GRID2: variants seen among roughly 807,000 people sequenced by gnomAD.
GRID2 encodes glutamate ionotropic receptor delta type subunit 2.
GRID2 carries 33 observed loss-of-function variants against 114.8 expected under a neutral mutation model. The observed-to-expected ratio is 0.29, with a 90% CI of 0.22 to 0.38. The LOEUF (loss-of-function observed/expected upper bound fraction) is 0.38, where lower values mean the gene tolerates loss of function less well. Ranked by LOEUF, GRID2 falls within the 10% of genes least tolerant of loss-of-function variation. The pLI is 1.00. For synonymous variants in GRID2, 505 were observed against 449.9 expected (o/e 1.12, Z -1.55); for missense variants, 1,184 against 1,257.7 (o/e 0.94, Z 0.89).
intron 9 of GRID2, among the ~76,000 whole-genome samples, chr4:93,410,987 A>G (rs1162969989): frequency 6.6e-6 from 1 of 152,244 alleles, no homozygotes; most frequent in African/African-American, 2.4e-5. Context: ...CTAGAAAGTT[A>G]TAAACAAATT....
Position 93,085,177 on chromosome 4 carries a change from A to G in GRID2, c.427A>G (p.Thr143Ala). 6.2e-7 allele frequency: 1 copy of G among 1,613,316 alleles called. No individual in the cohort carries two copies. The highest frequency in any genetic ancestry group is 2.2e-5 in the East Asian group (1 of 44,828). The change falls in exon 3 of 16, where the codon ACT becomes GCT. Residue 143 changes from threonine to alanine, a missense_variant. Transcript: ENST00000282020. ...CCGGAGCAACAGGAATGATGACTAC[A>G]CTCTCTCAGTTCGCCCACCTGTCTA... ...LTRSNRNDDY[T>A]LSVRPPVYLH...
chr4:92,982,046 GAA>G (rs1027039954), intron 2 of GRID2, among the ~76,000 whole-genome samples: 2 of 79,612 alleles, frequency 2.5e-5, no homozygotes, highest in Non-Finnish European at 5.3e-5. Context: ...AAAAAAAAAA[GAA>G]AAAGAAAAAA....
At chr4:92,611,130 G>T (rs1729721897) in intron 2 of GRID2, among the ~76,000 whole-genome samples, 1 of 136,160 alleles carries the variant, frequency 7.3e-6, no homozygotes, top group African/African-American at 2.9e-5. Flanking sequence ...GTGTGTGTGT[G>T]CATGTGTGTG....
At chr4:92,714,963 A>G (rs1029043733) in intron 2 of GRID2, among the ~76,000 whole-genome samples, 1 of 152,194 alleles carries the variant, frequency 6.6e-6, no homozygotes, top group South Asian at 2.1e-4. Flanking sequence ...ACTTATGCAC[A>G]CTTCTGCAGC....
chr4:93,419,582 T>A (rs1361822638), intron 9 of GRID2, among the ~76,000 whole-genome samples: 2 of 152,052 alleles, frequency 1.3e-5, no homozygotes, highest in Non-Finnish European at 2.9e-5. Context: ...TTGATCCAGA[T>A]GAAGAATGAT....
chr4:93,042,696 TATATATGC>T (rs1207606050), intron 2 of GRID2, among the ~76,000 whole-genome samples: 2 of 144,692 alleles, frequency 1.4e-5, no homozygotes, highest in Admixed American at 7.0e-5. Flanking sequence ...TATATGCATA[TATATATGC>T]ATATATATAT....
chr4:93,711,088 G>GACT (rs1447592699), intron 14 of GRID2, among the ~76,000 whole-genome samples: 4 of 152,180 alleles, frequency 2.6e-5, no homozygotes, highest in Non-Finnish European at 4.4e-5. Context: ...TGGTGCCCAA[G>GACT]TTGCAAGACA....
chr4:93,349,978 G>A (rs917128713), intron 8 of GRID2, among the ~76,000 whole-genome samples: 2 of 152,032 alleles, frequency 1.3e-5, no homozygotes, highest in African/African-American at 4.8e-5. Flanking sequence ...TTCATAATCT[G>A]ATATATGGTG....
chr4:92,932,395 A>G (rs1750311136), intron 2 of GRID2, among the ~76,000 whole-genome samples: 1 of 151,290 alleles, frequency 6.6e-6, no homozygotes, highest in Admixed American at 6.6e-5. Flanking sequence ...ACATGCACAC[A>G]CATTAACAAT....
chr4:93,509,044 T>G (rs968255395), intron 12 of GRID2, among the ~76,000 whole-genome samples: 1 of 152,200 alleles, frequency 6.6e-6, no homozygotes, highest in Non-Finnish European at 1.5e-5. Context: ...AGCCAAATTT[T>G]TGAAGGAACT....
chr4:93,100,352 T>TTTTTGTA (rs1265466051), intron 3 of GRID2, among the ~76,000 whole-genome samples: 1 of 151,926 alleles, frequency 6.6e-6, no homozygotes, highest in Non-Finnish European at 1.5e-5. Flanking sequence ...ATTATCTTTA[T>TTTTTGTA]TTTTTAAATA....
chr4:92,790,756 AC>A lies in GRID2; in HGVS notation c.244+200472del, dbSNP rs150832470. On this transcript the variant is annotated intron_variant, in intron 2 of 15. Transcript: ENST00000282020. Reference sequence around the variant, plus strand: ...AAAAAAAAAAAGTGTTTTTAAAATAACCTTTCTCCTCCTAAATCCTATGTGG... The same window carrying A: ...AAAAAAAAAAAGTGTTTTTAAAATAACTTTCTCCTCCTAAATCCTATGTGG... 5.5e-3 allele frequency among the ~76,000 whole-genome samples: 832 copies of A among 151,702 alleles called. 13 individuals are homozygous for A. Among genetic ancestry groups the A allele is most frequent in the African/African-American group, 0.019 (801 of 41,420 alleles).
intron 2 of GRID2, among the ~76,000 whole-genome samples, chr4:92,953,934 A>T (rs948358662): frequency 5.3e-5 from 8 of 152,178 alleles, no homozygotes; most frequent in Non-Finnish European, 1.2e-4. Flanking sequence ...AATAATTATT[A>T]GAATTTTATA....
At chr4:92,306,168 T>G (rs1725396001) in intron 1 of GRID2, among the ~76,000 whole-genome samples, 1 of 152,238 alleles carries the variant, frequency 6.6e-6, no homozygotes, top group Admixed American at 6.5e-5. Context: ...GCTCCCTCTC[T>G]TGGTCTCAGA....
intron 14 of GRID2, among the ~76,000 whole-genome samples, chr4:93,669,700 CAA>C (rs991609029): frequency 7.9e-5 from 12 of 152,160 alleles, no homozygotes; most frequent in African/African-American, 2.2e-4. Flanking sequence ...TAGCAATTTT[CAA>C]AGAGATGGAT....
intron 14 of GRID2, among the ~76,000 whole-genome samples, chr4:93,677,705 C>T (rs943536038): frequency 4.6e-5 from 7 of 152,114 alleles, no homozygotes; most frequent in African/African-American, 1.7e-4. Flanking sequence ...CTCCAACAGA[C>T]CTGCAACAGA....
chr4:92,928,306 A>G (rs1252042137), intron 2 of GRID2, among the ~76,000 whole-genome samples: 1 of 151,778 alleles, frequency 6.6e-6, no homozygotes, highest in African/African-American at 2.4e-5. Context: ...GCATCCAGTA[A>G]TATAATTTTC....
intron 2 of GRID2, among the ~76,000 whole-genome samples, chr4:92,997,311 A>G (rs1025760867): frequency 6.6e-6 from 1 of 152,142 alleles, no homozygotes; most frequent in Non-Finnish European, 1.5e-5. Flanking sequence ...TAGTCAGAAG[A>G]GTAAGATACA....
At chr4:92,849,267 C>T (rs189470843) in intron 2 of GRID2, among the ~76,000 whole-genome samples, 1 of 152,010 alleles carries the variant, frequency 6.6e-6, no homozygotes, top group Admixed American at 6.6e-5. Flanking sequence ...GATACATCAG[C>T]AGATGCATTT....
Sources: gnomAD v4.1 joint callset for allele counts (sites outside exome capture counted in the v4.1 genomes callset) on GRCh38, gnomAD v4.1.1 for gene constraint, MANE v1.5 for transcripts, NCBI Gene and HGNC (gene_info 2026-07-23, HGNC 2026-07-21) for gene names.